Variants in WSCD1 observed in about 807,000 individuals in gnomAD.
WSCD1 encodes WSC domain sialate O sulfotransferase 1.
In WSCD1, 41 loss-of-function variants were observed where a neutral mutation model predicts 60.4. The observed-to-expected ratio is 0.68, with a 90% CI of 0.53 to 0.88. The LOEUF is 0.88. Among genes scored for constraint, WSCD1 ranks in the 40% least tolerant of loss-of-function variants. The probability of loss-of-function intolerance (pLI) is 0.00; values close to 1 mark genes in which losing one functional copy is unlikely to be tolerated. For missense variants in WSCD1, 784 were observed against 796.2 expected, an observed-to-expected ratio of 0.98 and a Z score of 0.18; for synonymous variants, 361 against 332.5, an observed-to-expected ratio of 1.09 and a Z score of -0.93.
Position 6,095,164 on chromosome 17 carries a change from A to T in WSCD1, c.790A>T (p.Ser264Cys). Residue 264 changes from serine to cysteine, a missense_variant, in exon 5 of 9, where the codon AGC becomes TGC. Ser to Cys is a moderately radical substitution (Grantham distance 112). Transcript: ENST00000317744. Reference sequence around the variant, plus strand: ...AGAGAACATCACACATGCCTTCCCCAGCTCCCTGATACAGGCCAATGTGAC... The same window carrying T: ...AGAGAACATCACACATGCCTTCCCCTGCTCCCTGATACAGGCCAATGTGAC... ...LPENITHAFP[S>C]SLIQANVTVG... 6.2e-7 allele frequency: 1 copy of T among 1,613,766 alleles called. No individual in the cohort carries two copies.
rs774313543 is a variant in WSCD1, at chr17:6,090,481, G to A, written c.703G>A (p.Glu235Lys). 34 of 1,612,694 alleles carry A rather than the reference G, an allele frequency of 2.1e-5. No individual in the cohort carries two copies. The highest frequency in any genetic ancestry group is 2.6e-5 in the Non-Finnish European group (31 of 1,179,462). The change falls in exon 4 of 9, where the codon GAG (glutamate) becomes AAG (lysine). Residue 235 changes from glutamate (E) to lysine (K), a missense_variant. By Grantham distance (56) the Glu-to-Lys change is moderately conservative (BLOSUM62 1). Transcript: ENST00000317744. Reference protein sequence around the residue: ...VDRLSVYRVDELQPGSRKRRT... With the variant: ...VDRLSVYRVDKLQPGSRKRRT... ...CCGGCTCTCCGTGTACCGTGTGGAC[G>A]AGCTGCAGCCGGGCTCCAGGAAGCG...
In WSCD1 at chr17:6,120,781, C is replaced by G. The variant is rs1904645987; in HGVS notation, c.*120C>G. ...GGACGAACGGTGGGTGGGGGGCTCA[C>G]CCTGGTGCTGCCTCCCGCACAAGGA... is the stretch of plus-strand genomic sequence containing the variant. On this transcript the variant is annotated 3_prime_UTR_variant, in exon 9 of 9. Coordinates refer to ENST00000317744, the MANE Select transcript of WSCD1 (RefSeq NM_015253.2). The G allele has an allele frequency of 9.5e-7, 1 of 1,056,796 alleles. No homozygotes were observed. The allele number at this position is 1,056,796 out of a possible 1,614,324, so 65.5% of individuals were successfully genotyped here.
rs188871973 is a variant in WSCD1, at chr17:6,073,446, A to T, written c.-289+2794A>T. ...GGAGTTTGAGACCAGCCTGGCAAAC[A>T]TGGCAAAACCCCATCTCTACTAAAA... On this transcript the variant is annotated intron_variant, in intron 1 of 8. Coordinates refer to ENST00000317744, the MANE Select transcript of WSCD1 (RefSeq NM_015253.2). Among the ~76,000 whole-genome samples, 619 of 152,324 alleles carry T rather than the reference A, an allele frequency of 4.1e-3. 4 individuals carry two copies. Among genetic ancestry groups the T allele is most frequent in the African/African-American group, 0.014 (588 of 41,572 alleles).
chr17:6,070,748 G>A (rs1252709912), intron 1 of WSCD1, 96 bp downstream of exon 1: 2 of 151,458 alleles, frequency 1.3e-5, no homozygotes, highest in Non-Finnish European at 2.9e-5. Context: ...TGCAGACGCG[G>A]TTGGGAGCGC....
intron 1 of WSCD1, among the ~76,000 whole-genome samples, chr17:6,071,840 A>G (rs369988256): frequency 2.0e-5 from 3 of 152,142 alleles, no homozygotes; most frequent in African/African-American, 7.2e-5. Flanking sequence ...TGTCTCTCTC[A>G]ATCATGCCCC....
intron 3 of WSCD1, among the ~76,000 whole-genome samples, chr17:6,088,707 C>T (rs1224461555): frequency 1.3e-5 from 2 of 151,898 alleles, no homozygotes; most frequent in African/African-American, 4.8e-5. Context: ...CACACACACA[C>T]ACACACACAT....
chr17:6,102,501 C>A (rs1910865271), intron 5 of WSCD1, among the ~76,000 whole-genome samples: 1 of 152,334 alleles, frequency 6.6e-6, no homozygotes, highest in African/African-American at 2.4e-5. Context: ...ATACTGTACT[C>A]TCTGCATATT....
At position 6,101,986 on chromosome 17, in the gene WSCD1, T is replaced by C. The variant is rs920708520; in HGVS notation, c.849+6763T>C. ...CCACCGGCGATTATACCTTGTGATGTGAGGTTTGTTCTCCCAGCTGCTGTT... is the reference window on the plus strand; with the variant it reads ...CCACCGGCGATTATACCTTGTGATGCGAGGTTTGTTCTCCCAGCTGCTGTT... On this transcript the variant is annotated intron_variant, in intron 5 of 8. Coordinates refer to ENST00000317744, the MANE Select transcript of WSCD1 (RefSeq NM_015253.2). This position sits in a 1 kb window ranked among gnomAD's most constrained non-coding sequence, Gnocchi z 4.1. 6.6e-6 allele frequency among the ~76,000 whole-genome samples: 1 copy of C among 152,208 alleles called. No homozygotes were observed. Among genetic ancestry groups the C allele is most frequent in the African/African-American group, 2.4e-5 (1 of 41,450 alleles).
At chr17:6,096,643 C>T (rs748925297) in intron 5 of WSCD1, among the ~76,000 whole-genome samples, 6 of 152,222 alleles carry the variant, frequency 3.9e-5, no homozygotes, top group Non-Finnish European at 7.3e-5. Flanking sequence ...TGTTGATTTG[C>T]GGACATCTGG....
At chr17:6,088,405 C>G (rs1053348866) in intron 3 of WSCD1, among the ~76,000 whole-genome samples, 2 of 152,110 alleles carry the variant, frequency 1.3e-5, no homozygotes, top group Non-Finnish European at 2.9e-5. Flanking sequence ...GATGCGACTT[C>G]CAGTCCAGCC....
intron 1 of WSCD1, chr17:6,078,028 A>T (rs1314608295): frequency 1.3e-5 from 2 of 152,244 alleles, no homozygotes; most frequent in East Asian, 3.8e-4. Flanking sequence ...GCCTGTGCCT[A>T]TGCACTGCTC....
intron 4 of WSCD1, among the ~76,000 whole-genome samples, chr17:6,094,002 C>T (rs966079646): frequency 5.3e-5 from 8 of 152,192 alleles, no homozygotes; most frequent in Non-Finnish European, 2.9e-5. Context: ...TTGGCAGATT[C>T]TGGCTGGTAA....
chr17:6,076,501 C>T (rs551041256), intron 1 of WSCD1, among the ~76,000 whole-genome samples: 10 of 152,304 alleles, frequency 6.6e-5, no homozygotes, highest in East Asian at 5.8e-4. Context: ...GCCCGTCCTC[C>T]GGCTTTTCCT....
rs796660928 is a variant in WSCD1 at position 6,071,405 on chromosome 17, G to A, written c.-289+753G>A. ...GGGAATGCGGGTGGGGAAGGGGACC[G>A]CTCTTCCTTCCGCTGAGCAGTGGGA... On this transcript the variant is annotated intron_variant, in intron 1 of 8. Transcript: ENST00000317744. 4.6e-5 allele frequency among the ~76,000 whole-genome samples: 7 copies of A among 152,260 alleles called. 1 individual carries two copies. Among genetic ancestry groups the A allele is most frequent in the African/African-American group, 1.7e-4 (7 of 41,548 alleles).
chr17:6,090,435 C>T lies in WSCD1; in HGVS notation c.657C>T (p.Gly219=), dbSNP rs201596013. 14 of 1,613,162 alleles carry T rather than the reference C, an allele frequency of 8.7e-6. No individual in the cohort carries two copies. The Admixed American group carries it at 1.0e-4, about 12-fold the overall frequency. ...ECNHECKGEK[G]SVCGAVDRLS... Reference sequence around the variant, plus strand: ...ACCATGAGTGCAAAGGCGAGAAGGGCTCTGTGTGCGGGGCTGTGGACCGGC... The same window carrying T: ...ACCATGAGTGCAAAGGCGAGAAGGGTTCTGTGTGCGGGGCTGTGGACCGGC... The change falls in exon 4 of 9, where the codon GGC becomes GGT. Residue 219 remains glycine, a synonymous_variant. Transcript: ENST00000317744.
intron 7 of WSCD1, among the ~76,000 whole-genome samples, chr17:6,112,143 A>G (rs1186882898): frequency 6.6e-6 from 1 of 152,352 alleles, no homozygotes; most frequent in East Asian, 1.9e-4. Context: ...TAAATAAGCA[A>G]CCTAATGACG....
Position 6,080,977 on chromosome 17 carries a change from T to G in WSCD1, c.319T>G (p.Ser107Ala), listed in dbSNP as rs773905754. Residue 107 changes from serine to alanine, a missense_variant, in exon 2 of 9, where the codon TCG (serine) becomes GCG (alanine). Physicochemically the swap from Ser to Ala is moderately conservative, Grantham distance 99. Coordinates refer to ENST00000317744, the MANE Select transcript of WSCD1 (RefSeq NM_015253.2). The surrounding 1 kb of genome is among the most constrained non-coding windows in gnomAD (Gnocchi z 6.6). ...PGPRWLRSRN[S>A]ELRQLRRRWF... ...CCCCCGCTGGCTCCGGAGCCGCAAC[T>G]CGGAGCTGCGTCAGTTGCGTCGCCG... is the stretch of plus-strand genomic sequence containing the variant. 7.1e-6 allele frequency: 11 copies of G among 1,551,080 alleles called. No individual in the cohort carries two copies. Among genetic ancestry groups the G allele is most frequent in the Non-Finnish European group, 9.6e-6 (11 of 1,151,006 alleles).
At chr17:6,078,926 A>G (rs1005121735) in intron 1 of WSCD1, among the ~76,000 whole-genome samples, 3 of 152,270 alleles carry the variant, frequency 2.0e-5, no homozygotes, top group Non-Finnish European at 2.9e-5. Context: ...TGGCAGACAT[A>G]TCAGCCTAGA....
At chr17:6,098,211 A>G (rs753358316) in intron 5 of WSCD1, among the ~76,000 whole-genome samples, 1 of 152,052 alleles carries the variant, frequency 6.6e-6, no homozygotes, top group Non-Finnish European at 1.5e-5. Context: ...GGCTCAAGCA[A>G]TCTGCCCTCC....
Sources: gnomAD v4.1 joint callset for allele counts (sites outside exome capture counted in the v4.1 genomes callset) on GRCh38, gnomAD v4.1.1 for gene constraint, Gnocchi (gnomAD v3.1) non-coding constraint, MANE v1.5 for transcripts, NCBI Gene and HGNC (gene_info 2026-07-23, HGNC 2026-07-21) for gene names.